The following CHCHD6 variants were observed in gnomAD, a reference collection of about 807,000 sequenced individuals.
CHCHD6 encodes the protein MICOS complex subunit MIC25.
In CHCHD6, 28 loss-of-function variants were observed where a neutral mutation model predicts 32.3. The ratio of observed to expected loss-of-function variants is 0.87; its 90% CI spans 0.64 to 1.19. The LOEUF (loss-of-function observed/expected upper bound fraction) is 1.19, where lower values mean the gene tolerates loss of function less well. CHCHD6 is among the 50% of genes most tolerant of loss of function. CHCHD6 has a pLI of 0.00. For missense variants in CHCHD6, 333 were observed against 307.0 expected (o/e 1.08, Z -0.63); for synonymous variants, 122 against 117.5 (o/e 1.04, Z -0.25).
In CHCHD6 at chr3:126,833,329, C is replaced by T. The variant is rs149371601; in HGVS notation, c.412-19318C>T. Among the ~76,000 whole-genome samples the T allele has an allele frequency of 3.2e-3, 488 of 152,312 alleles. 3 individuals are homozygous for T. Among genetic ancestry groups the T allele is most frequent in the African/African-American group, 0.011 (467 of 41,580 alleles). ...GGACACCTTGCCTCCTTCCTTGGCACGGGTACAGACACTCAGCTCTTTCCA... is the reference window on the plus strand; with the variant it reads ...GGACACCTTGCCTCCTTCCTTGGCATGGGTACAGACACTCAGCTCTTTCCA... On this transcript the variant is annotated intron_variant, in intron 4 of 7. Coordinates refer to ENST00000290913, the MANE Select transcript of CHCHD6 (RefSeq NM_032343.3).
chr3:126,910,904 C>A, intron 5 of CHCHD6, among the ~76,000 whole-genome samples: 1 of 152,116 alleles, frequency 6.6e-6, no homozygotes, highest in East Asian at 1.9e-4. Flanking sequence ...CATGCATGCA[C>A]AGCACCTCGC....
intron 4 of CHCHD6, among the ~76,000 whole-genome samples, chr3:126,817,771 C>A (rs1939971292): frequency 6.6e-6 from 1 of 152,166 alleles, no homozygotes; most frequent in Non-Finnish European, 1.5e-5. Flanking sequence ...CCTGTCTTCC[C>A]CTCTTCTGCC....
intron 4 of CHCHD6, among the ~76,000 whole-genome samples, chr3:126,813,016 A>G (rs1444306629): frequency 6.6e-6 from 1 of 152,202 alleles, no homozygotes; most frequent in African/African-American, 2.4e-5. Context: ...AAAGTTTATG[A>G]GTATTTTTAG....
At chr3:126,820,389 A>G (rs763311306) in intron 4 of CHCHD6, among the ~76,000 whole-genome samples, 9 of 151,920 alleles carry the variant, frequency 5.9e-5, no homozygotes, top group Non-Finnish European at 8.8e-5. Flanking sequence ...TCTAATCATT[A>G]CTCTCCAAAG....
At chr3:126,928,148 A>G (rs1274907187) in intron 6 of CHCHD6, among the ~76,000 whole-genome samples, 5 of 152,258 alleles carry the variant, frequency 3.3e-5, no homozygotes, top group Non-Finnish European at 5.9e-5. Context: ...GTGAGAGCCC[A>G]CCAGAGGGAC....
intron 4 of CHCHD6, among the ~76,000 whole-genome samples, chr3:126,796,705 C>T (rs530001528): frequency 7.6e-4 from 115 of 152,236 alleles, no homozygotes; most frequent in Middle Eastern, 3.4e-3. Context: ...ATGTCAGAGT[C>T]CTTCTGTTAG....
chr3:126,749,369 A>G (rs1936634822), intron 4 of CHCHD6, among the ~76,000 whole-genome samples: 1 of 152,164 alleles, frequency 6.6e-6, no homozygotes, highest in Admixed American at 6.6e-5. Flanking sequence ...GGAGAAAGAA[A>G]TGACACATTT....
chr3:126,739,937 A>G (rs934647429), intron 4 of CHCHD6, among the ~76,000 whole-genome samples: 1 of 152,182 alleles, frequency 6.6e-6, no homozygotes, highest in Non-Finnish European at 1.5e-5. Context: ...GCTGGTCATC[A>G]TATGCAGGAG....
chr3:126,786,237 T>C (rs1444940425), intron 4 of CHCHD6, among the ~76,000 whole-genome samples: 2 of 152,214 alleles, frequency 1.3e-5, no homozygotes, highest in South Asian at 2.1e-4. Flanking sequence ...TTGTTGGACA[T>C]TTGAGTTGGT....
intron 5 of CHCHD6, among the ~76,000 whole-genome samples, chr3:126,905,073 T>C (rs1226126167): frequency 1.3e-5 from 2 of 152,106 alleles, no homozygotes; most frequent in African/African-American, 2.4e-5. Flanking sequence ...GGCAGAGCAG[T>C]CTGGAATGTG....
chr3:126,886,339 T>A (rs1357536061), intron 5 of CHCHD6, among the ~76,000 whole-genome samples: 1 of 152,226 alleles, frequency 6.6e-6, no homozygotes, highest in Non-Finnish European at 1.5e-5. Flanking sequence ...AGTTTTAAAT[T>A]GTATGCTGTT....
rs367766306 is a variant in CHCHD6, at chr3:126,763,600, C to T, written c.411+30378C>T. On this transcript the variant is annotated intron_variant, in intron 4 of 7. Coordinates refer to ENST00000290913, the MANE Select transcript of CHCHD6 (RefSeq NM_032343.3). ...AAGTGATCCTCTTGCCTTGGCCTCC[C>T]GAAGTGCTGGGCTTACAAGCATGAA... Among the ~76,000 whole-genome samples the T allele has an allele frequency of 1.1e-4, 17 of 152,118 alleles. 1 individual carries two copies. Among genetic ancestry groups the T allele is most frequent in the South Asian group, 4.1e-4 (2 of 4,822 alleles).
At chr3:126,850,384 C>T (rs9289285) in intron 4 of CHCHD6, among the ~76,000 whole-genome samples, 7,174 of 152,342 alleles carry the variant, frequency 0.047, 306 homozygotes, top group South Asian at 0.19. Context: ...ACGTTTCTTC[C>T]TGTTTGTGTG....
chr3:126,760,335 A>G (rs968810385), intron 4 of CHCHD6, among the ~76,000 whole-genome samples: 1 of 152,198 alleles, frequency 6.6e-6, no homozygotes, highest in Non-Finnish European at 1.5e-5. Flanking sequence ...CTATTGTGGT[A>G]AAATATATAT....
chr3:126,799,443 T>A (rs1242294464), intron 4 of CHCHD6, among the ~76,000 whole-genome samples: 1 of 152,214 alleles, frequency 6.6e-6, no homozygotes, highest in Non-Finnish European at 1.5e-5. Flanking sequence ...TTCTTAGTGG[T>A]CTAGTCATTT....
intron 6 of CHCHD6, among the ~76,000 whole-genome samples, chr3:126,920,172 T>G (rs2107593389): frequency 6.6e-6 from 1 of 151,938 alleles, no homozygotes; most frequent in African/African-American, 2.4e-5. Context: ...GAATTTCAGT[T>G]ACTAAATGTT....
At chr3:126,904,459 CA>C (rs2077976483) in intron 5 of CHCHD6, among the ~76,000 whole-genome samples, 1 of 152,206 alleles carries the variant, frequency 6.6e-6, no homozygotes, top group African/African-American at 2.4e-5. Flanking sequence ...GTTTAGTATT[CA>C]GTGTGAATCA....
intron 5 of CHCHD6, among the ~76,000 whole-genome samples, chr3:126,896,885 C>T (rs1273495900): frequency 6.6e-6 from 1 of 152,178 alleles, no homozygotes; most frequent in Admixed American, 6.5e-5. Context: ...TGGGCCCTCA[C>T]CTCCTAAGAC....
intron 4 of CHCHD6, among the ~76,000 whole-genome samples, chr3:126,788,788 A>AT (rs1017255903): frequency 6.6e-6 from 1 of 152,056 alleles, no homozygotes; most frequent in South Asian, 2.1e-4. Flanking sequence ...GGATTCATTG[A>AT]TTTTTTGAAG....
Sources: allele counts gnomAD v4.1 joint callset (sites outside exome capture counted in the v4.1 genomes callset), GRCh38; gene constraint gnomAD v4.1.1; transcripts MANE v1.5; gene names NCBI Gene and HGNC (gene_info 2026-07-23, HGNC 2026-07-21).